The following CNOT4 variants were observed in gnomAD, a reference collection of about 807,000 sequenced individuals.
CNOT4 encodes the protein CCR4-NOT transcription complex subunit 4, also known as CCR4-associated factor 4.
A neutral mutation model predicts 73.8 loss-of-function variants in CNOT4; 8 were observed. The ratio of observed to expected loss-of-function variants is 0.11; its 90% CI spans 0.06 to 0.20. CNOT4 has a LOEUF of 0.20. Among genes scored for constraint, CNOT4 ranks in the 10% least tolerant of loss-of-function variants. The pLI is 1.00. For synonymous variants in CNOT4, 293 were observed against 321.1 expected, an observed-to-expected ratio of 0.91 and a Z score of 0.94; for missense variants, 564 against 883.4, an observed-to-expected ratio of 0.64 and a Z score of 4.58.
intron 1 of CNOT4, among the ~76,000 whole-genome samples, chr7:135,505,408 T>C (rs1409705621): frequency 6.6e-6 from 1 of 151,988 alleles, no homozygotes; most frequent in Non-Finnish European, 1.5e-5. Flanking sequence ...AAAAATTAGC[T>C]GAGTGTGGTG....
At chr7:135,488,035 T>C (rs1341946557) in intron 1 of CNOT4, among the ~76,000 whole-genome samples, 1 of 151,188 alleles carries the variant, frequency 6.6e-6, no homozygotes, top group Non-Finnish European at 1.5e-5. Context: ...CACTCCAGCC[T>C]GGGCGACAGA....
chr7:135,438,574 T>A (rs904404090), intron 1 of CNOT4, among the ~76,000 whole-genome samples, 151 bp from the exon 2 acceptor site: 1 of 152,194 alleles, frequency 6.6e-6, no homozygotes, highest in Non-Finnish European at 1.5e-5. Context: ...TTTCTGAAAA[T>A]TTTGAATACC....
At chr7:135,473,022 CAG>C (rs1052905949) in intron 1 of CNOT4, among the ~76,000 whole-genome samples, 1 of 150,032 alleles carries the variant, frequency 6.7e-6, no homozygotes, top group African/African-American at 2.5e-5. Flanking sequence ...GCCTGGGTGA[CAG>C]AGCAAGACTC....
At chr7:135,431,359 G>T (rs1005108857) in intron 2 of CNOT4, among the ~76,000 whole-genome samples, 1 of 152,156 alleles carries the variant, frequency 6.6e-6, no homozygotes, top group Non-Finnish European at 1.5e-5. Flanking sequence ...AAATTCTAAG[G>T]AACCTATTTA....
intron 1 of CNOT4, among the ~76,000 whole-genome samples, chr7:135,496,175 C>T (rs1011397141): frequency 2.0e-5 from 3 of 152,138 alleles, no homozygotes; most frequent in Non-Finnish European, 4.4e-5. Context: ...TCACTGCAAC[C>T]TCCACCTCCC....
rs1797677285 is a variant in CNOT4 at position 135,413,301 on chromosome 7, C to G, written c.687+187G>C. Reference sequence around the variant, plus strand: ...TTTCAAACTTAGTTGACCACAGACACATTTTTATTGTAACAATATCCTGCA... The same window carrying G: ...TTTCAAACTTAGTTGACCACAGACAGATTTTTATTGTAACAATATCCTGCA... On this transcript the variant is annotated intron_variant, in intron 6 of 11. Coordinates refer to ENST00000541284, the MANE Select transcript of CNOT4 (RefSeq NM_001190850.2). Among the ~76,000 whole-genome samples the G allele has an allele frequency of 2.6e-5, 4 of 151,984 alleles. No homozygotes were observed. In the South Asian group the frequency reaches 8.3e-4, roughly 31 times the overall value.
intron 7 of CNOT4, among the ~76,000 whole-genome samples, chr7:135,399,572 A>G (rs928905787): frequency 4.6e-5 from 7 of 152,074 alleles, no homozygotes; most frequent in Non-Finnish European, 8.8e-5. Context: ...TAGGAAAAAA[A>G]TTAAGATTCC....
At chr7:135,474,728 T>C (rs891116929) in intron 1 of CNOT4, among the ~76,000 whole-genome samples, 1 of 152,150 alleles carries the variant, frequency 6.6e-6, no homozygotes, top group African/African-American at 2.4e-5. Flanking sequence ...AAAATGTAAA[T>C]GAAAGAAAAT....
intron 10 of CNOT4, among the ~76,000 whole-genome samples, chr7:135,383,204 A>G (rs950246570): frequency 6.6e-6 from 1 of 152,174 alleles, no homozygotes; most frequent in African/African-American, 2.4e-5. Flanking sequence ...CTTTCCCTTC[A>G]TAGGTGGAAG....
chr7:135,451,497 T>C (rs1800159718), intron 1 of CNOT4, among the ~76,000 whole-genome samples: 1 of 152,148 alleles, frequency 6.6e-6, no homozygotes, highest in Non-Finnish European at 1.5e-5. Flanking sequence ...TTTCATACAT[T>C]GGACAGGGTG....
intron 1 of CNOT4, among the ~76,000 whole-genome samples, chr7:135,448,551 G>A (rs1799972602): frequency 6.7e-6 from 1 of 150,302 alleles, no homozygotes; most frequent in African/African-American, 2.5e-5. Context: ...AAGGGAGGGA[G>A]GGAGGGAGGG....
intron 2 of CNOT4, among the ~76,000 whole-genome samples, chr7:135,428,091 T>C (rs530831034): frequency 1.9e-4 from 29 of 152,090 alleles, no homozygotes; most frequent in African/African-American, 6.0e-4. Context: ...AAAGAAAAAG[T>C]AGGTAGGGGA....
chr7:135,398,349 C>T (rs776621646), intron 7 of CNOT4, 123 bp from the exon 8 acceptor site: 3 of 621,982 alleles, frequency 4.8e-6, no homozygotes, highest in African/African-American at 1.9e-5. Context: ...TATTGAGGTA[C>T]TGGGAAGTAA....
chr7:135,436,359 A>G (rs923282525), intron 2 of CNOT4, among the ~76,000 whole-genome samples: 2 of 151,964 alleles, frequency 1.3e-5, no homozygotes, highest in Non-Finnish European at 2.9e-5. Context: ...AAGGGAAAAA[A>G]AAAAGAAAAG....
intron 1 of CNOT4, among the ~76,000 whole-genome samples, chr7:135,500,349 T>C (rs1478480419): frequency 6.6e-6 from 1 of 151,994 alleles, no homozygotes; most frequent in Non-Finnish European, 1.5e-5. Context: ...CCTACTTTTT[T>C]CCCCCAGCTT....
At chr7:135,438,447 AT>A in intron 1 of CNOT4, 24 bp from the exon 2 acceptor site, 3 of 734,856 alleles carry the variant, frequency 4.1e-6, no homozygotes, top group Non-Finnish European at 4.1e-6. Flanking sequence ...AACAAAATAC[AT>A]TGTTTACTAC....
chr7:135,474,345 C>T (rs747559640), intron 1 of CNOT4, among the ~76,000 whole-genome samples: 11 of 128,592 alleles, frequency 8.6e-5, no homozygotes, highest in Admixed American at 1.8e-4. Flanking sequence ...AGTGCAGAGG[C>T]GTGATCTCAG....
chr7:135,477,765 A>G (rs148221129), intron 1 of CNOT4, among the ~76,000 whole-genome samples: 1 of 152,336 alleles, frequency 6.6e-6, no homozygotes, highest in Non-Finnish European at 1.5e-5. Context: ...CCTGTATATT[A>G]GTATAACAAA....
At chr7:135,397,171 CAG>C in intron 8 of CNOT4, among the ~76,000 whole-genome samples, 1 of 151,796 alleles carries the variant, frequency 6.6e-6, no homozygotes, top group Middle Eastern at 3.4e-3. Context: ...TCTATAATAA[CAG>C]AAAGAGAAAA....
Sources: gnomAD v4.1 joint callset for allele counts (sites outside exome capture counted in the v4.1 genomes callset) on GRCh38, gnomAD v4.1.1 for gene constraint, MANE v1.5 for transcripts, NCBI Gene and HGNC (gene_info 2026-07-23, HGNC 2026-07-21) for gene names.